Variants in CPM observed in about 807,000 individuals in gnomAD.
CPM encodes renal carboxypeptidase.
CPM carries 35 observed loss-of-function variants against 46.4 expected under a neutral mutation model. That is an observed-to-expected ratio of 0.75 (90% CI 0.58 to 1.00). The LOEUF is 1.00. Ranked by LOEUF, CPM falls within the 50% of genes least tolerant of loss-of-function variation. The pLI is 0.00. For synonymous variants in CPM, 195 were observed against 195.3 expected (o/e 1.00, Z 0.01); for missense variants, 422 against 530.4 (o/e 0.80, Z 2.01).
In CPM at chr12:68,857,506, C is replaced by T. The variant is rs555381042; in HGVS notation, c.1090-827G>A. ...TTTTACCTGGTTTTGTTCATATCAG[C>T]CTGAATCTTTGGTTAGGCTTTCTTT... is the stretch of plus-strand genomic sequence containing the variant. On this transcript the variant is annotated intron_variant, in intron 8 of 8. Transcript: ENST00000551568. Among the ~76,000 whole-genome samples the T allele has an allele frequency of 2.2e-4, 33 of 152,144 alleles. 1 individual carries two copies. The South Asian group carries it at 6.6e-3, about 31-fold the overall frequency.
intron 1 of CPM, among the ~76,000 whole-genome samples, chr12:68,949,612 C>A (rs1888903778): frequency 6.6e-6 from 1 of 152,174 alleles, no homozygotes; most frequent in African/African-American, 2.4e-5. Flanking sequence ...AGATTGTTCA[C>A]ATAAAGCACT....
At chr12:68,929,101 T>TC (rs1299040460) in intron 2 of CPM, among the ~76,000 whole-genome samples, 2 of 152,084 alleles carry the variant, frequency 1.3e-5, no homozygotes, top group Non-Finnish European at 2.9e-5. Flanking sequence ...CATTGCTATC[T>TC]ATTGATAGTC....
At chr12:68,917,845 T>C (rs982326057) in intron 2 of CPM, among the ~76,000 whole-genome samples, 1 of 152,310 alleles carries the variant, frequency 6.6e-6, no homozygotes, top group South Asian at 2.1e-4. Context: ...GAGTGGGCTT[T>C]CCTGGGTGGA....
chr12:68,857,528 CTTT>C (rs1044821408), intron 8 of CPM, among the ~76,000 whole-genome samples: 1 of 144,644 alleles, frequency 6.9e-6, no homozygotes. Context: ...GTTAGGCTTT[CTTT>C]TTTTTTTTAG....
chr12:68,914,606 A>G (rs1393848307), intron 2 of CPM, among the ~76,000 whole-genome samples: 1 of 152,216 alleles, frequency 6.6e-6, no homozygotes, highest in Non-Finnish European at 1.5e-5. Context: ...CTGTTCCTTC[A>G]TACTCTGGCA....
intron 2 of CPM, among the ~76,000 whole-genome samples, chr12:68,922,900 GA>G (rs1305715028): frequency 1.3e-5 from 2 of 152,102 alleles, no homozygotes; most frequent in Non-Finnish European, 2.9e-5. Context: ...TCACTAGACA[GA>G]AGTGTTTTTT....
At chr12:68,902,101 T>A (rs1887139513) in intron 2 of CPM, among the ~76,000 whole-genome samples, 1 of 152,168 alleles carries the variant, frequency 6.6e-6, no homozygotes, top group Non-Finnish European at 1.5e-5. Context: ...TACATGACAA[T>A]CACTCAACCT....
chr12:68,893,386 C>A (rs972243151), intron 2 of CPM, among the ~76,000 whole-genome samples: 3 of 152,166 alleles, frequency 2.0e-5, no homozygotes, highest in Non-Finnish European at 4.4e-5. Context: ...GCCCTCTAGC[C>A]TGCCCCAGGT....
In CPM at chr12:68,962,245, C is replaced by G. The variant is rs186568816; in HGVS notation, c.-4+924G>C. On this transcript the variant is annotated intron_variant, in intron 1 of 8. Coordinates refer to the CPM transcript ENST00000546373. ...CAAGTGTGATAATACACACATAACACAGAATTTACCATCATAACCATTTTT... is the reference window on the plus strand; with the variant it reads ...CAAGTGTGATAATACACACATAACAGAGAATTTACCATCATAACCATTTTT... Among the ~76,000 whole-genome samples, 466 of 150,924 alleles carry G rather than the reference C, an allele frequency of 3.1e-3. 5 individuals carry two copies. Among genetic ancestry groups the G allele is most frequent in the African/African-American group, 0.011 (455 of 40,802 alleles).
intron 8 of CPM, among the ~76,000 whole-genome samples, chr12:68,857,149 C>CTTTCT (rs1226933183): frequency 6.7e-5 from 10 of 150,308 alleles, no homozygotes; most frequent in African/African-American, 2.2e-4. Flanking sequence ...GCTTTTCTTT[C>CTTTCT]TTTCTTTTCT....
intron 2 of CPM, among the ~76,000 whole-genome samples, chr12:68,895,856 A>T (rs937059921): frequency 6.6e-6 from 1 of 152,204 alleles, no homozygotes; most frequent in South Asian, 2.1e-4. Flanking sequence ...CATCACTTTC[A>T]TGCTTTGACA....
Position 68,859,009 on chromosome 12 carries a change from G to T in CPM, c.1003C>A (p.Gln335Lys), listed in dbSNP as rs1436960622. ...NPLPNVIVEV[Q>K]DRKHICPYRT... The stretch of plus-strand genomic sequence containing the variant: ...TAGGGGCAGATATGTTTTCTGTCTT[G>T]GACTTCCACAATTACATTGGGTAAT... Residue 335 changes from glutamine to lysine, a missense_variant, in exon 8 of 9, where the codon CAA becomes AAA. Physicochemically the swap from Gln to Lys is moderately conservative, Grantham distance 53 (BLOSUM62 1). Coordinates refer to ENST00000551568, the MANE Select transcript of CPM (RefSeq NM_198320.5). The T allele has an allele frequency of 1.9e-6, 3 of 1,570,602 alleles. No homozygotes were observed. The highest frequency in any genetic ancestry group is 2.6e-6 in the Non-Finnish European group (3 of 1,158,520).
At chr12:68,932,915 T>A in intron 1 of CPM, 75 bp from the exon 2 acceptor site, 1 of 1,396,142 alleles carries the variant, frequency 7.2e-7, no homozygotes, top group South Asian at 1.2e-5. Flanking sequence ...TACGTCTCGG[T>A]ACTCCGGTCT....
At chr12:68,860,242 C>CT (rs1296108594) in intron 7 of CPM, among the ~76,000 whole-genome samples, 2 of 152,168 alleles carry the variant, frequency 1.3e-5, no homozygotes, top group East Asian at 3.9e-4. Context: ...TTCCTTCTCC[C>CT]TTTCTCTATA....
intron 1 of CPM, among the ~76,000 whole-genome samples, chr12:68,961,062 T>C (rs868818457): frequency 1.1e-4 from 16 of 152,126 alleles, no homozygotes; most frequent in African/African-American, 3.1e-4. Context: ...CCAAATAGAA[T>C]AGACAGGGAC....
Position 68,852,911 on chromosome 12 carries a change from AGTGT to A in CPM, c.*3522_*3525del, listed in dbSNP as rs1293587270. 6.6e-6 allele frequency: 1 copy of A among 152,112 alleles called. No homozygotes were observed. The highest frequency in any genetic ancestry group is 1.9e-4 in the East Asian group (1 of 5,194). The allele number at this position is 152,112 out of a possible 1,614,324, so 9.4% of individuals were successfully genotyped here. ...TCCCACATTTTTCTCCCATCATGAAAGTGTGTATCAGGTTGGTTTCTCTATAAAA... is the reference window on the plus strand; with the variant it reads ...TCCCACATTTTTCTCCCATCATGAAAGTATCAGGTTGGTTTCTCTATAAAA... On this transcript the variant is annotated 3_prime_UTR_variant, in exon 9 of 9. Coordinates refer to ENST00000551568, the MANE Select transcript of CPM (RefSeq NM_198320.5).
intron 5 of CPM, chr12:68,845,856 T>G (rs1884250851): frequency 6.6e-6 from 1 of 152,420 alleles, no homozygotes; most frequent in Non-Finnish European, 1.5e-5. Flanking sequence ...CTCAACCTCC[T>G]GGGCTCAAGC....
intron 2 of CPM, among the ~76,000 whole-genome samples, chr12:68,924,512 C>G (rs1024323095): frequency 1.3e-5 from 2 of 150,882 alleles, no homozygotes; most frequent in Non-Finnish European, 2.9e-5. Flanking sequence ...TTTAAGAAAC[C>G]CTGAATGTTT....
chr12:68,897,874 T>A (rs959446013), intron 2 of CPM, among the ~76,000 whole-genome samples: 2 of 152,066 alleles, frequency 1.3e-5, no homozygotes, highest in Non-Finnish European at 2.9e-5. Flanking sequence ...GCCCTATTGG[T>A]CTCACTCCGT....
Sources: gnomAD v4.1 joint callset for allele counts (sites outside exome capture counted in the v4.1 genomes callset) on GRCh38, gnomAD v4.1.1 for gene constraint, MANE v1.5 for transcripts, NCBI Gene and HGNC (gene_info 2026-07-23, HGNC 2026-07-21) for gene names.